Variants in DPH6 observed in about 807,000 individuals in gnomAD.
DPH6 encodes diphthine--ammonia ligase.
A neutral mutation model predicts 38.2 loss-of-function variants in DPH6; 33 were observed. The ratio of observed to expected loss-of-function variants is 0.86; its 90% CI spans 0.65 to 1.15. The LOEUF is 1.15. DPH6 is among the 50% of genes most tolerant of loss of function. DPH6 has a pLI of 0.00. For missense variants in DPH6, 325 were observed against 320.0 expected (o/e 1.02, Z -0.12); for synonymous variants, 108 against 103.0 (o/e 1.05, Z -0.30).
intron 5 of DPH6, among the ~76,000 whole-genome samples, chr15:35,441,491 T>C (rs538369676): frequency 3.2e-4 from 48 of 152,264 alleles, no homozygotes; most frequent in African/African-American, 1.2e-3. Flanking sequence ...TAAAAAAGGA[T>C]GAGTTCGTCG....
downstream of DPH6, among the ~76,000 whole-genome samples, chr15:35,328,756 G>C (rs2052304925): frequency 6.6e-6 from 1 of 152,186 alleles, no homozygotes; most frequent in Non-Finnish European, 1.5e-5. Flanking sequence ...TTCCTTATGG[G>C]TCAGTGTATT....
chr15:35,205,666 C>T, the DPH6 span, among the ~76,000 whole-genome samples: 1 of 151,924 alleles, frequency 6.6e-6, no homozygotes, highest in South Asian at 2.1e-4. Context: ...TGGATGTACA[C>T]CATTCTGTTT....
chr15:35,409,218 T>C (rs2053333968), intron 6 of DPH6, among the ~76,000 whole-genome samples: 1 of 151,866 alleles, frequency 6.6e-6, no homozygotes, highest in Admixed American at 6.6e-5. Context: ...GGTGATTTCC[T>C]ATATCATGGC....
the DPH6 span, among the ~76,000 whole-genome samples, chr15:35,165,872 T>A: frequency 6.6e-6 from 1 of 151,950 alleles, no homozygotes; most frequent in South Asian, 2.1e-4. Flanking sequence ...TTTTGAATTG[T>A]CTAGAAATTC....
At chr15:35,188,828 G>C in the DPH6 span, among the ~76,000 whole-genome samples, 1 of 151,810 alleles carries the variant, frequency 6.6e-6, no homozygotes, top group Non-Finnish European at 1.5e-5. Context: ...AGATTGCAGT[G>C]AGCTGTGACT....
chr15:35,335,865 G>A (rs2339830), intron 3 of DPH6, among the ~76,000 whole-genome samples: 49,485 of 151,970 alleles, frequency 0.33, 8,953 homozygotes, highest in African/African-American at 0.48. Flanking sequence ...TTGGCTCTTT[G>A]GCCTGTGTTT....
At chr15:35,279,265 G>T (rs528979549) in intron 3 of DPH6, among the ~76,000 whole-genome samples, 2 of 151,822 alleles carry the variant, frequency 1.3e-5, no homozygotes, top group Admixed American at 6.6e-5. Flanking sequence ...TCATAGGAAA[G>T]AACTAATCTC....
At position 35,338,531 on chromosome 15, in the gene DPH6, A is replaced by T. The variant is rs1342180114; in HGVS notation, n.208-7454T>A. Among the ~76,000 whole-genome samples the T allele has an allele frequency of 2.6e-5, 4 of 152,300 alleles. No individual in the cohort carries two copies. In the South Asian group the frequency reaches 6.2e-4, roughly 24 times the overall value. ...GGCAATCATTAAAAAGTCAGGAAAC[A>T]ACAGGTGCTGGAGAGGATGTGGAGA... On this transcript the variant is annotated intron_variant and non_coding_transcript_variant, in intron 3 of 3. Transcript: ENST00000558973.
chr15:35,230,183 A>G (rs1218544263), intron 3 of DPH6, among the ~76,000 whole-genome samples: 2 of 152,206 alleles, frequency 1.3e-5, no homozygotes, highest in African/African-American at 4.8e-5. Context: ...AAACCTTAGA[A>G]GCCCACCTGG....
At chr15:35,460,790 A>G (rs1352005304) in intron 3 of DPH6, among the ~76,000 whole-genome samples, 2 of 152,028 alleles carry the variant, frequency 1.3e-5, no homozygotes, top group African/African-American at 4.8e-5. Flanking sequence ...TGTCAATATG[A>G]ATCACACCTG....
the DPH6 span, among the ~76,000 whole-genome samples, chr15:35,145,286 A>G: frequency 6.6e-6 from 1 of 152,194 alleles, no homozygotes; most frequent in Non-Finnish European, 1.5e-5. Flanking sequence ...TTTGGATTTC[A>G]TAACATAGAT....
chr15:35,166,174 T>C, the DPH6 span, among the ~76,000 whole-genome samples: 2 of 151,952 alleles, frequency 1.3e-5, no homozygotes, highest in Non-Finnish European at 2.9e-5. Context: ...AAGCCTCTCA[T>C]GTGGGAGGTG....
At chr15:35,450,659 G>A (rs369514948) in intron 5 of DPH6, 26 bp downstream of exon 5, 10 of 1,570,478 alleles carry the variant, frequency 6.4e-6, no homozygotes, top group Non-Finnish European at 8.8e-6. Context: ...GCAACAAACA[G>A]CTCCCTTGAT....
At chr15:35,480,714 T>C (rs1043361423) in intron 3 of DPH6, among the ~76,000 whole-genome samples, 54 of 152,020 alleles carry the variant, frequency 3.6e-4, no homozygotes, top group Middle Eastern at 3.4e-3. Context: ...ATAATTAAGG[T>C]TGGATATATA....
At chr15:35,300,557 T>C (rs1262202582) in intron 3 of DPH6, among the ~76,000 whole-genome samples, 4 of 152,214 alleles carry the variant, frequency 2.6e-5, no homozygotes, top group Non-Finnish European at 5.9e-5. Context: ...AAAATGCCTA[T>C]GTTTTTGGCT....
chr15:35,531,102 G>T (rs1458972989), intron 3 of DPH6, among the ~76,000 whole-genome samples: 1 of 152,120 alleles, frequency 6.6e-6, no homozygotes, highest in Non-Finnish European at 1.5e-5. Context: ...CATCTTATAT[G>T]TTTCTCCCAT....
At position 35,441,817 on chromosome 15, in the gene DPH6, A is replaced by AG. The variant is rs398026831; in HGVS notation, c.505+8867_505+8868insC. ...CAGAACTTAAAGTATAATAAAAAAA[A>AG]TGATGAGCTCATATATGTATGTGTG... On this transcript the variant is annotated intron_variant, in intron 5 of 8. Coordinates refer to ENST00000256538, the MANE Select transcript of DPH6 (RefSeq NM_080650.4). Among the ~76,000 whole-genome samples, 15 of 151,294 alleles carry AG rather than the reference A, an allele frequency of 9.9e-5. 1 individual carries two copies. The highest frequency in any genetic ancestry group is 3.4e-3 in the Middle Eastern group (1 of 294).
At chr15:35,363,518 T>G (rs1013700549) in intron 3 of DPH6, among the ~76,000 whole-genome samples, 1 of 152,064 alleles carries the variant, frequency 6.6e-6, no homozygotes. Flanking sequence ...TTATTTTTAG[T>G]GGTGTCTCTT....
intron 3 of DPH6, among the ~76,000 whole-genome samples, chr15:35,531,462 C>T (rs74465708): frequency 2.0e-5 from 3 of 152,030 alleles, no homozygotes; most frequent in Admixed American, 6.6e-5. Flanking sequence ...CCCCTGTATC[C>T]GATAATTACA....
Sources: allele counts gnomAD v4.1 joint callset (sites outside exome capture counted in the v4.1 genomes callset), GRCh38; gene constraint gnomAD v4.1.1; transcripts MANE v1.5; gene names NCBI Gene and HGNC (gene_info 2026-07-23, HGNC 2026-07-21).